The following DDX6 variants were observed in gnomAD, a reference collection of about 807,000 sequenced individuals.
The protein encoded by DDX6 is probable ATP-dependent RNA helicase DDX6.
A neutral mutation model predicts 60.6 loss-of-function variants in DDX6; 7 were observed. The observed-to-expected ratio is 0.12, with a 90% CI of 0.07 to 0.22. The LOEUF (loss-of-function observed/expected upper bound fraction) is 0.22. Among genes scored for constraint, DDX6 ranks in the 10% least tolerant of loss-of-function variants. The pLI, the probability that DDX6 is intolerant of heterozygous loss-of-function variation, is 1.00. For synonymous variants in DDX6, 207 were observed against 201.0 expected (o/e 1.03, Z -0.25); for missense variants, 270 against 589.9 (o/e 0.46, Z 5.62).
intron 12 of DDX6, among the ~76,000 whole-genome samples, chr11:118,755,141 T>G (rs1464778763): frequency 6.6e-6 from 1 of 152,224 alleles, no homozygotes; most frequent in East Asian, 1.9e-4. Context: ...AAATACACAT[T>G]AAACAACAGT....
rs1383246987 is a variant in DDX6 at position 118,786,035 on chromosome 11, T to C, written c.200+17A>G. On this transcript the variant is annotated intron_variant, in intron 2 of 13. Coordinates refer to ENST00000534980, the MANE Select transcript of DDX6 (RefSeq NM_004397.6). Reference sequence around the variant, plus strand: ...GTTCCCCACAAGTGTTTATTAATAATTTACTCTAACACTTACTTAATAGTG... The same window carrying C: ...GTTCCCCACAAGTGTTTATTAATAACTTACTCTAACACTTACTTAATAGTG... 4 of 1,601,664 alleles carry C rather than the reference T, an allele frequency of 2.5e-6. No homozygotes were observed. The East Asian group carries it at 6.7e-5, about 27-fold the overall frequency.
chr11:118,774,367 C>T (rs901691051), intron 4 of DDX6, among the ~76,000 whole-genome samples: 11 of 151,798 alleles, frequency 7.2e-5, no homozygotes, highest in East Asian at 1.9e-4. Flanking sequence ...TCTAGAAATA[C>T]GTTGTGGGAG....
At chr11:118,783,769 T>C (rs947527443) in intron 2 of DDX6, among the ~76,000 whole-genome samples, 23 of 128,172 alleles carry the variant, frequency 1.8e-4, no homozygotes, top group Non-Finnish European at 1.9e-4. Flanking sequence ...ATCACACCAT[T>C]GCACTCTAGC....
intron 4 of DDX6, among the ~76,000 whole-genome samples, chr11:118,769,610 CTT>C (rs1861467394): frequency 6.6e-6 from 1 of 152,198 alleles, no homozygotes; most frequent in East Asian, 1.9e-4. Flanking sequence ...CACCCCCACT[CTT>C]TGCAAAAACA....
At chr11:118,764,672 C>T (rs1429001518) in intron 6 of DDX6, among the ~76,000 whole-genome samples, 9 of 151,742 alleles carry the variant, frequency 5.9e-5, no homozygotes, top group Non-Finnish European at 1.2e-4. Context: ...GGCGTGGTAG[C>T]GGGAGCCTGT....
At chr11:118,759,064 C>A in intron 8 of DDX6, 162 bp from the exon 9 acceptor site, 1 of 905,894 alleles carries the variant, frequency 1.1e-6, no homozygotes, top group Non-Finnish European at 1.6e-6. Context: ...ACAGAATTTC[C>A]CCCCTGCCAC....
chr11:118,765,561 G>A (rs1211114438), intron 5 of DDX6, among the ~76,000 whole-genome samples: 2 of 152,014 alleles, frequency 1.3e-5, no homozygotes, highest in Non-Finnish European at 2.9e-5. Context: ...GATCACCTGA[G>A]GTCAGGAGTT....
In DDX6 at chr11:118,759,915, T is replaced by C. The variant is rs1555159791; in HGVS notation, c.864+7A>G. The C allele has an allele frequency of 2.5e-6, 4 of 1,612,074 alleles. 1 individual carries two copies. The highest frequency in any genetic ancestry group is 1.7e-5 in the Admixed American group (1 of 59,574). ...GGCACTGATTCCAAGTACAGATTTA[T>C]ACTCACCATGAACTTCTGTACACTA... On this transcript the variant is annotated splice_region_variant and intron_variant, in intron 8 of 13. Transcript: ENST00000534980.
intron 2 of DDX6, chr11:118,785,704 G>A (rs1461227644): frequency 6.0e-6 from 1 of 167,388 alleles, no homozygotes; most frequent in South Asian, 1.7e-4. Flanking sequence ...AGGTGCAGTC[G>A]TAAAAAAACT....
At chr11:118,765,554 C>G (rs1436710175) in intron 5 of DDX6, among the ~76,000 whole-genome samples, 199 bp from the exon 6 acceptor site, 1 of 152,126 alleles carries the variant, frequency 6.6e-6, no homozygotes, top group Non-Finnish European at 1.5e-5. Context: ...GTGGGCAGAT[C>G]ACCTGAGGTC....
At chr11:118,768,872 C>G (rs1861439662) in intron 4 of DDX6, among the ~76,000 whole-genome samples, 1 of 144,710 alleles carries the variant, frequency 6.9e-6, no homozygotes, top group Admixed American at 7.3e-5. Context: ...CAGAAAGTAG[C>G]TGGGTGTGGT....
At chr11:118,763,993 G>C (rs1471846996) in intron 6 of DDX6, among the ~76,000 whole-genome samples, 1 of 151,986 alleles carries the variant, frequency 6.6e-6, no homozygotes, top group Non-Finnish European at 1.5e-5. Flanking sequence ...CATTGGGTGG[G>C]GTACAGCTTC....
Position 118,760,862 on chromosome 11 carries a change from G to A in DDX6, c.742-818C>T, listed in dbSNP as rs541078111. ...AAAAAAAAGTAAGGGTTCTGAGGCC[G>A]GGTGCAGTGGCTCACGCCTGTAATC... On this transcript the variant is annotated intron_variant, in intron 7 of 13. Coordinates refer to ENST00000534980, the MANE Select transcript of DDX6 (RefSeq NM_004397.6). Among the ~76,000 whole-genome samples the A allele has an allele frequency of 6.2e-4, 93 of 149,992 alleles. 2 individuals are homozygous for A. The South Asian group carries it at 0.017, about 27-fold the overall frequency.
intron 2 of DDX6, among the ~76,000 whole-genome samples, chr11:118,783,810 C>CA (rs71044495): frequency 3.9e-4 from 22 of 56,902 alleles, no homozygotes; most frequent in African/African-American, 4.8e-4. Context: ...GAGTCCATCT[C>CA]AAAAAAAAAA....
rs1860644723 is a variant in DDX6 at position 118,748,720 on chromosome 11, C to T, written c.*3385G>A. On this transcript the variant is annotated 3_prime_UTR_variant, in exon 14 of 14. Coordinates refer to ENST00000534980, the MANE Select transcript of DDX6 (RefSeq NM_004397.6). Reference sequence around the variant, plus strand: ...AGTGCAGACACCCTCCCTTCTGGGGCAAAGTACCCTCCCTCCCACCCCTAT... The same window carrying T: ...AGTGCAGACACCCTCCCTTCTGGGGTAAAGTACCCTCCCTCCCACCCCTAT... 1 of 151,302 alleles carries T rather than the reference C, an allele frequency of 6.6e-6. No individual in the cohort carries two copies. The highest frequency in any genetic ancestry group is 6.6e-5 in the Admixed American group (1 of 15,158). The allele number at this position is 151,302 out of a possible 1,614,324, so 9.4% of individuals were successfully genotyped here.
intron 4 of DDX6, among the ~76,000 whole-genome samples, chr11:118,774,923 T>C (rs1555163333): frequency 6.6e-6 from 1 of 151,726 alleles, no homozygotes; most frequent in Non-Finnish European, 1.5e-5. Context: ...AACGAGAAGG[T>C]AGATAAGAAT....
intron 1 of DDX6, among the ~76,000 whole-genome samples, chr11:118,790,585 C>T (rs1046718632): frequency 1.3e-5 from 2 of 152,112 alleles, no homozygotes; most frequent in African/African-American, 2.4e-5. Context: ...CATCATCCCC[C>T]TAAGTCCTTG....
At chr11:118,777,404 G>C (rs1861736893) in intron 4 of DDX6, among the ~76,000 whole-genome samples, 1 of 152,140 alleles carries the variant, frequency 6.6e-6, no homozygotes, top group African/African-American at 2.4e-5. Context: ...ATGTGTATGT[G>C]TGTGTGGATA....
intron 4 of DDX6, among the ~76,000 whole-genome samples, chr11:118,770,062 T>C (rs926516126): frequency 1.3e-5 from 2 of 151,744 alleles, no homozygotes; most frequent in African/African-American, 2.4e-5. Context: ...GTTTCGCTCT[T>C]GTCACTCAGG....
Sources: allele counts gnomAD v4.1 joint callset (sites outside exome capture counted in the v4.1 genomes callset), GRCh38; gene constraint gnomAD v4.1.1; transcripts MANE v1.5; gene names NCBI Gene and HGNC (gene_info 2026-07-23, HGNC 2026-07-21).